ZNF69: variants seen among roughly 807,000 people sequenced by gnomAD.
The protein encoded by ZNF69 is ZNF3.
Under a neutral mutation model 50.9 loss-of-function variants are expected in ZNF69, and 47 were observed. The observed-to-expected ratio is 0.92, with a 90% CI of 0.73 to 1.18. The LOEUF (loss-of-function observed/expected upper bound fraction) is 1.18. ZNF69 is among the 50% of genes most tolerant of loss of function. The pLI, the probability that ZNF69 is intolerant of heterozygous loss-of-function variation, is 0.00. For synonymous variants in ZNF69, 216 were observed against 223.1 expected, an observed-to-expected ratio of 0.97 and a Z score of 0.29; for missense variants, 717 against 675.1, an observed-to-expected ratio of 1.06 and a Z score of -0.69.
chr19:11,933,459 A>C, the ZNF69 span, among the ~76,000 whole-genome samples: 1 of 147,640 alleles, frequency 6.8e-6, no homozygotes, highest in Non-Finnish European at 1.5e-5. Context: ...ATCCACCATC[A>C]CAGTCTTATA....
chr19:11,911,053 C>T (rs1363872294), downstream of ZNF69, among the ~76,000 whole-genome samples: 1 of 152,106 alleles, frequency 6.6e-6, no homozygotes, highest in African/African-American at 2.4e-5. Flanking sequence ...ATTTATGCAG[C>T]CAACAGACAC....
chr19:11,973,948 A>C, the ZNF69 span, among the ~76,000 whole-genome samples: 10 of 152,166 alleles, frequency 6.6e-5, no homozygotes, highest in East Asian at 5.8e-4. Flanking sequence ...ATTCACATCC[A>C]TAGTGAAGGA....
the ZNF69 span, chr19:11,947,646 A>G: frequency 7.5e-7 from 1 of 1,337,444 alleles, no homozygotes; most frequent in Non-Finnish European, 1.1e-6. Context: ...GTTGAAGAGA[A>G]GTAAAACAAA....
chr19:11,919,356 G>T, the ZNF69 span, among the ~76,000 whole-genome samples: 12 of 151,936 alleles, frequency 7.9e-5, no homozygotes, highest in African/African-American at 2.7e-4. Flanking sequence ...TGTGACTCTT[G>T]CTCCCCATCT....
In ZNF69 at chr19:11,905,831, T is replaced by C; in HGVS notation, c.1434T>C (p.Tyr478=). ...HVRIHSGERP[Y]KCKLCGKGFY... Reference sequence around the variant, plus strand: ...GAATACACTCTGGAGAAAGACCTTATAAATGTAAGCTATGTGGGAAAGGCT... The same window carrying C: ...GAATACACTCTGGAGAAAGACCTTACAAATGTAAGCTATGTGGGAAAGGCT... Residue 478 remains tyrosine (Y), a synonymous_variant, in exon 4 of 4, where the codon TAT becomes TAC. Transcript: ENST00000429654. 6.2e-7 allele frequency: 1 copy of C among 1,613,822 alleles called. No individual in the cohort carries two copies. Among genetic ancestry groups the C allele is most frequent in the Non-Finnish European group, 8.5e-7 (1 of 1,179,976 alleles).
the ZNF69 span, among the ~76,000 whole-genome samples, chr19:11,937,802 C>T: frequency 6.6e-6 from 1 of 151,998 alleles, no homozygotes; most frequent in East Asian, 1.9e-4. Flanking sequence ...GATTTTTCTA[C>T]GTTCCTTGTG....
chr19:11,922,683 T>A, the ZNF69 span, among the ~76,000 whole-genome samples: 1 of 151,970 alleles, frequency 6.6e-6, no homozygotes, highest in East Asian at 1.9e-4. Context: ...GCCTGGTAAA[T>A]CCTCAGTAGG....
At chr19:11,921,132 T>C in the ZNF69 span, among the ~76,000 whole-genome samples, 3 of 152,302 alleles carry the variant, frequency 2.0e-5, no homozygotes, top group South Asian at 6.2e-4. Flanking sequence ...ATAAATGCTC[T>C]CCAATAATCC....
the ZNF69 span, among the ~76,000 whole-genome samples, chr19:11,938,879 C>T: frequency 2.0e-5 from 3 of 151,736 alleles, no homozygotes; most frequent in East Asian, 1.9e-4. Flanking sequence ...ACATCCTCTC[C>T]AGCACCTGTT....
the ZNF69 span, among the ~76,000 whole-genome samples, chr19:11,930,329 A>AC: frequency 6.7e-6 from 1 of 148,614 alleles, no homozygotes; most frequent in East Asian, 1.9e-4. Flanking sequence ...GGCCACCCCA[A>AC]CAAGGTTGTA....
At chr19:11,917,200 A>G (rs2145259768), downstream of ZNF69, among the ~76,000 whole-genome samples, 1 of 152,318 alleles carries the variant, frequency 6.6e-6, no homozygotes, top group African/African-American at 2.4e-5. Context: ...ATGGTTACAT[A>G]ACTGCTTAGT....
chr19:11,949,744 A>G, the ZNF69 span: 1 of 1,613,880 alleles, frequency 6.2e-7, no homozygotes, highest in Non-Finnish European at 8.5e-7. Context: ...GAAAGCCTTC[A>G]GATCTGCCTC....
chr19:11,921,715 C>T, the ZNF69 span, among the ~76,000 whole-genome samples: 1,643 of 152,142 alleles, frequency 0.011, 33 homozygotes, highest in African/African-American at 0.038. Context: ...CTTGGCCAGG[C>T]TAGTCTTGAA....
chr19:11,915,096 C>G (rs1326346076), downstream of ZNF69, among the ~76,000 whole-genome samples: 2 of 152,120 alleles, frequency 1.3e-5, no homozygotes, highest in Non-Finnish European at 2.9e-5. Flanking sequence ...CCCAGCTAAT[C>G]AGGATGCTGA....
the ZNF69 span, among the ~76,000 whole-genome samples, chr19:11,968,556 T>C: frequency 6.6e-6 from 1 of 152,226 alleles, no homozygotes; most frequent in Non-Finnish European, 1.5e-5. Flanking sequence ...ACTTAATTTG[T>C]AGTGGTTTGC....
chr19:11,901,924 T>C (rs919462595), intron 1 of ZNF69, among the ~76,000 whole-genome samples: 3 of 152,188 alleles, frequency 2.0e-5, no homozygotes, highest in Non-Finnish European at 4.4e-5. Flanking sequence ...TTTTGCTTTT[T>C]TCAATTATCC....
rs1219139404 is a variant in ZNF69, at chr19:11,905,980, A to C, written c.1583A>C (p.His528Pro). The stretch of plus-strand genomic sequence containing the variant: ...TCCTTTCGATACCATGAAAGGACTC[A>C]CACTGGAGAGAAACCCTATAAATGC... ...SSSFRYHERT[H>P]TGEKPYKCKQ... is the part of the protein sequence containing the mutation. Residue 528 changes from histidine (H) to proline (P), a missense_variant, in exon 4 of 4, where the codon CAC becomes CCC. His to Pro is a moderately conservative substitution (Grantham distance 77). Coordinates refer to ENST00000429654, the MANE Select transcript of ZNF69 (RefSeq NM_001364730.1). The C allele has an allele frequency of 6.2e-7, 1 of 1,614,094 alleles. No homozygotes were observed. Among genetic ancestry groups the C allele is most frequent in the Non-Finnish European group, 8.5e-7 (1 of 1,180,016 alleles).
intron 1 of ZNF69, among the ~76,000 whole-genome samples, chr19:11,901,442 G>A (rs1434868349): frequency 6.6e-6 from 1 of 152,112 alleles, no homozygotes; most frequent in Non-Finnish European, 1.5e-5. Context: ...GCATAAATTG[G>A]TTAAGGCTTG....
At chr19:11,928,460 C>G in the ZNF69 span, among the ~76,000 whole-genome samples, 296 of 150,240 alleles carry the variant, frequency 2.0e-3, 1 homozygote, top group African/African-American at 7.1e-3. Context: ...GGGCCGGGCG[C>G]GGTGGCTCAC....
Sources: allele counts gnomAD v4.1 joint callset (sites outside exome capture counted in the v4.1 genomes callset), GRCh38; gene constraint gnomAD v4.1.1; transcripts MANE v1.5; gene names NCBI Gene and HGNC (gene_info 2026-07-23, HGNC 2026-07-21).